Variants in XPO1 observed in about 807,000 individuals in gnomAD.
XPO1 encodes exportin-1.
XPO1 carries 5 observed loss-of-function variants against 133.3 expected under a neutral mutation model. That is an observed-to-expected ratio of 0.04 (90% CI 0.02 to 0.08). The LOEUF (loss-of-function observed/expected upper bound fraction) is 0.08. Ranked by LOEUF, XPO1 falls within the 10% of genes least tolerant of loss-of-function variation. XPO1 has a pLI of 1.00. For synonymous variants in XPO1, 419 were observed against 408.2 expected (o/e 1.03, Z -0.32); for missense variants, 506 against 1,267.5 (o/e 0.40, Z 9.12).
chr2:61,506,666 G>A (rs1004990321), intron 4 of XPO1, among the ~76,000 whole-genome samples: 13 of 149,688 alleles, frequency 8.7e-5, no homozygotes, highest in African/African-American at 2.7e-4. Flanking sequence ...AAGCCTGGGC[G>A]ACAGAGTGAG....
At chr2:61,483,279 CTTATAAA>C (rs141415342) in intron 21 of XPO1, 188 bp from the exon 22 acceptor site, 331 of 541,504 alleles carry the variant, frequency 6.1e-4, no homozygotes, top group African/African-American at 5.9e-3. Context: ...TGCTGGCTTA[CTTATAAA>C]TTATAATAAG....
At chr2:61,533,211 GT>G (rs576039763) in intron 2 of XPO1, among the ~76,000 whole-genome samples, 294 of 152,012 alleles carry the variant, frequency 1.9e-3, no homozygotes, top group Non-Finnish European at 3.2e-3. Flanking sequence ...AAAAAATCAA[GT>G]TTTTTTTCTT....
At chr2:61,493,407 T>C (rs1254284765) in intron 12 of XPO1, 1 of 194,456 alleles carries the variant, frequency 5.1e-6, no homozygotes, top group Non-Finnish European at 1.0e-5. Context: ...CTTGGGAGGC[T>C]GACACAAGAG....
At chr2:61,480,596 AGTTTT>A (rs1430984733) in intron 24 of XPO1, 3 of 151,978 alleles carry the variant, frequency 2.0e-5, no homozygotes, top group Non-Finnish European at 4.4e-5. Flanking sequence ...AACTTTCATT[AGTTTT>A]TTAAAAATTG....
chr2:61,519,183 T>A (rs1403317474), intron 4 of XPO1, among the ~76,000 whole-genome samples: 1 of 152,142 alleles, frequency 6.6e-6, no homozygotes, highest in Admixed American at 6.5e-5. Context: ...ACTCCTGACC[T>A]CGTTATCTGC....
Position 61,538,264 on chromosome 2 carries a change from C to A in XPO1, c.-709G>T. 6.3e-6 allele frequency: 1 copy of A among 158,730 alleles called. No homozygotes were observed. The highest frequency in any genetic ancestry group is 1.8e-4 in the East Asian group (1 of 5,586). The allele number at this position is 158,730 out of a possible 1,614,324, so 9.8% of individuals were successfully genotyped here. ...CCGCTTCTCCCCCTCCTCCTAGTGC[C>A]TCAAACTCGGAACCGGTTGAAACCG... is the stretch of plus-strand genomic sequence containing the variant. On this transcript the variant is annotated 5_prime_UTR_variant, in exon 1 of 25. It adds an upstream start codon to the 5' untranslated region. Coordinates refer to ENST00000401558, the MANE Select transcript of XPO1 (RefSeq NM_003400.4).
In XPO1 at chr2:61,492,170, A is replaced by G; in HGVS notation, c.1752T>C (p.Ala584=). The G allele has an allele frequency of 6.2e-7, 1 of 1,614,236 alleles. No individual in the cohort carries two copies. Among genetic ancestry groups the G allele is most frequent in the Non-Finnish European group, 8.5e-7 (1 of 1,180,044 alleles). Residue 584 remains alanine, a synonymous_variant, in exon 16 of 25, where the codon GCT becomes GCC. Coordinates refer to ENST00000401558, the MANE Select transcript of XPO1 (RefSeq NM_003400.4). The surrounding 1 kb of genome is among the most constrained non-coding windows in gnomAD (Gnocchi z 5.6). ...HETHDGVQDM[A]CDTFIKIAQK... is the part of the protein sequence containing the mutation. Reference sequence around the variant, plus strand: ...GGGCTATTTTAATGAAAGTATCACAAGCCATATCCTGGACTCCATCATGGG... The same window carrying G: ...GGGCTATTTTAATGAAAGTATCACAGGCCATATCCTGGACTCCATCATGGG...
At chr2:61,483,701 T>C (rs1401498286) in intron 21 of XPO1, 1 of 446,068 alleles carries the variant, frequency 2.2e-6, no homozygotes, top group Non-Finnish European at 4.0e-6. Flanking sequence ...TAGAACTTTG[T>C]ATTACGCAAA....
At chr2:61,512,778 C>T (rs1217844749) in intron 4 of XPO1, among the ~76,000 whole-genome samples, 1 of 152,176 alleles carries the variant, frequency 6.6e-6, no homozygotes, top group African/African-American at 2.4e-5. Flanking sequence ...TGCGGTAGCT[C>T]ACACATAATC....
At chr2:61,499,249 G>C (rs1049251461) in intron 7 of XPO1, among the ~76,000 whole-genome samples, 7 of 152,128 alleles carry the variant, frequency 4.6e-5, no homozygotes, top group African/African-American at 1.7e-4. Context: ...AAGAAGCAGA[G>C]ACAATAACTG....
intron 20 of XPO1, chr2:61,484,338 T>A: frequency 2.2e-6 from 1 of 453,026 alleles, no homozygotes; most frequent in Non-Finnish European, 3.9e-6. Context: ...GACAACCTTT[T>A]TAATAGAGAA....
At chr2:61,516,084 C>T (rs543873212) in intron 4 of XPO1, among the ~76,000 whole-genome samples, 3 of 151,464 alleles carry the variant, frequency 2.0e-5, no homozygotes, top group Non-Finnish European at 4.4e-5. Flanking sequence ...CAAGATCTCG[C>T]CACTACACTC....
At chr2:61,486,096 G>T in intron 19 of XPO1, 134 bp from the exon 20 acceptor site, 1 of 823,784 alleles carries the variant, frequency 1.2e-6, no homozygotes, top group Non-Finnish European at 1.8e-6. Context: ...GTTTGTATTA[G>T]GGTTTCCTAC....
Position 61,538,343 on chromosome 2 carries a change from AGCG to A in XPO1, c.-791_-789del, listed in dbSNP as rs1474283133. 1.3e-5 allele frequency: 2 copies of A among 157,470 alleles called. No individual in the cohort carries two copies. Among genetic ancestry groups the A allele is most frequent in the African/African-American group, 4.8e-5 (2 of 41,468 alleles). The allele number at this position is 157,470 out of a possible 1,614,324, so 9.8% of individuals were successfully genotyped here. A position where few individuals can be genotyped will look rare whatever the true frequency, so the allele number is the denominator to read the frequency against. On this transcript the variant is annotated 5_prime_UTR_variant, in exon 1 of 25. Transcript: ENST00000401558. ...GAGTTTTCAGCCCATGGCGCCGCGG[AGCG>A]TTTGGAACCTGGGCCTCCGCCCCCA... is the stretch of plus-strand genomic sequence containing the variant.
intron 4 of XPO1, among the ~76,000 whole-genome samples, chr2:61,512,868 C>G (rs1184864473): frequency 2.0e-5 from 3 of 152,126 alleles, no homozygotes; most frequent in Non-Finnish European, 2.9e-5. Flanking sequence ...TGGGGCAACC[C>G]CATCTCTACT....
At chr2:61,495,008 A>AT (rs1036740967) in intron 11 of XPO1, among the ~76,000 whole-genome samples, 1 of 151,608 alleles carries the variant, frequency 6.6e-6, no homozygotes, top group Non-Finnish European at 1.5e-5. Context: ...CGCACAGCTA[A>AT]TTTTTTTGTA....
chr2:61,529,653 C>T (rs1699066294), intron 2 of XPO1, among the ~76,000 whole-genome samples: 2 of 150,066 alleles, frequency 1.3e-5, no homozygotes, highest in Non-Finnish European at 1.5e-5. Context: ...CAGAGTGAGA[C>T]TCTGTCTCAT....
intron 4 of XPO1, among the ~76,000 whole-genome samples, chr2:61,510,050 T>TG (rs1453699557): frequency 3.3e-5 from 5 of 152,034 alleles, no homozygotes; most frequent in African/African-American, 1.2e-4. Context: ...GAGGCCGAGG[T>TG]GGGTGGATCA....
intron 6 of XPO1, among the ~76,000 whole-genome samples, chr2:61,500,149 T>C (rs1163765249): frequency 6.6e-6 from 1 of 152,154 alleles, no homozygotes; most frequent in Non-Finnish European, 1.5e-5. Context: ...GTCTAATGGG[T>C]CTGTCTGTGT....
Sources: gnomAD v4.1 joint callset for allele counts (sites outside exome capture counted in the v4.1 genomes callset) on GRCh38, gnomAD v4.1.1 for gene constraint, Gnocchi (gnomAD v3.1) non-coding constraint, MANE v1.5 for transcripts, NCBI Gene and HGNC (gene_info 2026-07-23, HGNC 2026-07-21) for gene names.